Variants in RARS2 observed in about 807,000 individuals in gnomAD.
The protein encoded by RARS2 is arginyl-tRNA synthetase 2, mitochondrial.
A neutral mutation model predicts 88.5 loss-of-function variants in RARS2; 67 were observed. The observed-to-expected ratio is 0.76, with a 90% CI of 0.62 to 0.93. RARS2 has a LOEUF of 0.93. Among genes scored for constraint, RARS2 ranks in the 40% least tolerant of loss-of-function variants. The pLI is 0.00. For synonymous variants in RARS2, 239 were observed against 230.3 expected (o/e 1.04, Z -0.34); for missense variants, 664 against 684.2 (o/e 0.97, Z 0.33).
intron 16 of RARS2, 76 bp downstream of exon 16, chr6:87,518,554 C>T (rs1772584399): frequency 6.9e-7 from 1 of 1,451,578 alleles, no homozygotes; most frequent in Non-Finnish European, 9.6e-7. Context: ...AAAACAGGGC[C>T]TCTGGTCTTA....
chr6:87,521,318 C>T, intron 12 of RARS2, 146 bp downstream of exon 12: 1 of 638,150 alleles, frequency 1.6e-6, no homozygotes, highest in Non-Finnish European at 2.7e-6. Context: ...AGTGTTTAAA[C>T]TTTTAAATAG....
At chr6:87,580,632 G>A (rs945582917) in intron 1 of RARS2, among the ~76,000 whole-genome samples, 1 of 148,026 alleles carries the variant, frequency 6.8e-6, no homozygotes, top group Non-Finnish European at 1.5e-5. Flanking sequence ...TCAGATTTTT[G>A]TAGAGATGAA....
intron 7 of RARS2, among the ~76,000 whole-genome samples, chr6:87,543,417 G>GA (rs2128111299): frequency 6.6e-6 from 1 of 151,794 alleles, no homozygotes; most frequent in South Asian, 2.1e-4. Context: ...CGAGGTGGGC[G>GA]AATCACTTGA....
chr6:87,551,403 A>C (rs373527743), intron 5 of RARS2, among the ~76,000 whole-genome samples: 23 of 152,060 alleles, frequency 1.5e-4, no homozygotes, highest in African/African-American at 5.5e-4. Flanking sequence ...AGCTGGGTGG[A>C]TCACTTGAAG....
chr6:87,585,283 T>C (rs1774792699), intron 1 of RARS2, among the ~76,000 whole-genome samples: 1 of 152,188 alleles, frequency 6.6e-6, no homozygotes, highest in Admixed American at 6.5e-5. Flanking sequence ...TAAGAGTGAA[T>C]AAGACATGTT....
chr6:87,553,911 A>G (rs1785048092), intron 5 of RARS2, among the ~76,000 whole-genome samples: 1 of 152,224 alleles, frequency 6.6e-6, no homozygotes, highest in African/African-American at 2.4e-5. Context: ...TTACAAATTC[A>G]TGAGTTTGCT....
chr6:87,558,747 A>T (rs1786837096), intron 4 of RARS2, among the ~76,000 whole-genome samples: 1 of 152,254 alleles, frequency 6.6e-6, no homozygotes, highest in Non-Finnish European at 1.5e-5. Context: ...ACATACAATT[A>T]TGTACATCAT....
chr6:87,516,774 T>G (rs1213139763), intron 18 of RARS2, 32 bp downstream of exon 18: 11 of 1,610,932 alleles, frequency 6.8e-6, no homozygotes, highest in Non-Finnish European at 8.5e-6. Flanking sequence ...CAAATGCCAT[T>G]AACACCTGAA....
intron 18 of RARS2, among the ~76,000 whole-genome samples, chr6:87,516,159 T>A (rs570533256): frequency 6.6e-6 from 1 of 151,076 alleles, no homozygotes; most frequent in East Asian, 1.9e-4. Flanking sequence ...TTACAGAAGA[T>A]ACAGCTGCTG....
chr6:87,557,666 A>G (rs929813345), intron 4 of RARS2, among the ~76,000 whole-genome samples: 5 of 152,120 alleles, frequency 3.3e-5, no homozygotes, highest in Non-Finnish European at 7.4e-5. Flanking sequence ...AGGAGTAAAC[A>G]CTTTTCAAAC....
intron 1 of RARS2, among the ~76,000 whole-genome samples, chr6:87,576,147 C>T (rs1283602693): frequency 8.4e-6 from 1 of 119,552 alleles, no homozygotes; most frequent in Non-Finnish European, 1.8e-5. Context: ...ATCCAAGCTG[C>T]AGCTGCACAA....
At chr6:87,589,816 C>A (rs1242903553) in intron 1 of RARS2, 106 bp downstream of exon 1, 27 of 1,612,152 alleles carry the variant, frequency 1.7e-5, no homozygotes, top group Middle Eastern at 1.6e-4. Context: ...TAACAGGATT[C>A]CGTGGGACCC....
intron 5 of RARS2, among the ~76,000 whole-genome samples, chr6:87,551,690 C>T (rs1784393488): frequency 7.5e-6 from 1 of 134,206 alleles, no homozygotes; most frequent in Admixed American, 7.6e-5. Flanking sequence ...GAGAAATAAA[C>T]TGTCCCATTC....
chr6:87,519,838 T>C (rs568047164), intron 13 of RARS2, 131 bp from the exon 14 acceptor site: 1 of 1,083,846 alleles, frequency 9.2e-7, no homozygotes, highest in Non-Finnish European at 1.4e-6. Context: ...AAAATGAAAT[T>C]GATGTGATTT....
At chr6:87,527,910 C>T (rs543724549) in intron 10 of RARS2, among the ~76,000 whole-genome samples, 3 of 151,930 alleles carry the variant, frequency 2.0e-5, no homozygotes, top group Admixed American at 6.6e-5. Context: ...TGGGGCCTGT[C>T]GGGGGATGGG....
intron 5 of RARS2, among the ~76,000 whole-genome samples, chr6:87,554,848 C>T (rs1242767462): frequency 1.3e-5 from 2 of 152,104 alleles, no homozygotes; most frequent in African/African-American, 4.8e-5. Flanking sequence ...CGCCTGTAAT[C>T]CCAGCACTTT....
chr6:87,560,016 G>A (rs1308868941), intron 4 of RARS2, among the ~76,000 whole-genome samples: 1 of 152,168 alleles, frequency 6.6e-6, no homozygotes, highest in Admixed American at 6.5e-5. Context: ...CGTGTAGTCG[G>A]TTTTATCATC....
At chr6:87,532,912 C>T (rs752982510) in intron 8 of RARS2, among the ~76,000 whole-genome samples, 15 of 152,106 alleles carry the variant, frequency 9.9e-5, no homozygotes, top group Non-Finnish European at 1.6e-4. Context: ...TAGTAAACTG[C>T]GGACTTCTTG....
intron 8 of RARS2, among the ~76,000 whole-genome samples, chr6:87,533,214 T>TA (rs1240219454): frequency 5.3e-5 from 8 of 152,152 alleles, no homozygotes; most frequent in Non-Finnish European, 8.8e-5. Flanking sequence ...ATGATATGAC[T>TA]ATTTTAGAAA....
Sources: gnomAD v4.1 joint callset for allele counts (sites outside exome capture counted in the v4.1 genomes callset) on GRCh38, gnomAD v4.1.1 for gene constraint, MANE v1.5 for transcripts, NCBI Gene and HGNC (gene_info 2026-07-23, HGNC 2026-07-21) for gene names.